Variants in ANKRD28 observed in about 807,000 individuals in gnomAD.
The protein encoded by ANKRD28 is serine/threonine-protein phosphatase 6 regulatory ankyrin repeat subunit A.
ANKRD28 carries 44 observed loss-of-function variants against 126.5 expected under a neutral mutation model. The ratio of observed to expected loss-of-function variants is 0.35; its 90% CI spans 0.27 to 0.45. ANKRD28 has a LOEUF of 0.45. ANKRD28 is among the 20% of genes least tolerant of loss of function. ANKRD28 has a pLI of 1.00. For missense variants in ANKRD28, 1,110 were observed against 1,316.6 expected (o/e 0.84, Z 2.43); for synonymous variants, 442 against 468.5 (o/e 0.94, Z 0.73).
Position 15,690,165 on chromosome 3 carries a change from A to T in ANKRD28, c.1817T>A (p.Leu606His). Reference sequence around the variant, plus strand: ...TCTTCCACTACTATTTCTGACATCAAGATCTAACAAAGACTGTACCAACAC... The same window carrying T: ...TCTTCCACTACTATTTCTGACATCATGATCTAACAAAGACTGTACCAACAC... ...LEVLVQSLLD[L>H]DVRNSSGRTP... is the part of the protein sequence containing the mutation. The change falls in exon 18 of 28, where the codon CTT (leucine) becomes CAT (histidine). Residue 606 changes from leucine to histidine, a missense_variant. Physicochemically the swap from Leu to His is moderately conservative, Grantham distance 99. Transcript: ENST00000683139. 1.2e-6 allele frequency: 2 copies of T among 1,609,210 alleles called. No homozygotes were observed. The highest frequency in any genetic ancestry group is 1.7e-6 in the Non-Finnish European group (2 of 1,177,526).
At position 15,816,025 on chromosome 3, in the gene ANKRD28, T is replaced by C. The variant is rs985320440; in HGVS notation, c.28-20719A>G. ...ACAGGTTTTCATAATTATGTTTTAA[T>C]CTTGTTATATTAATAGTCAAGCTCA... On this transcript the variant is annotated intron_variant, in intron 1 of 27. Transcript: ENST00000399451. The surrounding 1 kb of genome is among the most constrained non-coding windows in gnomAD (Gnocchi z 5.0). Among the ~76,000 whole-genome samples, 14 of 152,188 alleles carry C rather than the reference T, an allele frequency of 9.2e-5. No homozygotes were observed. The highest frequency in any genetic ancestry group is 3.4e-4 in the African/African-American group (14 of 41,436).
rs1054735308 is a variant in ANKRD28, at chr3:15,839,173, T to C, written c.27+20204A>G. On this transcript the variant is annotated intron_variant, in intron 1 of 27. Transcript: ENST00000399451. The surrounding 1 kb of genome is among the most constrained non-coding windows in gnomAD (Gnocchi z 4.3). Reference sequence around the variant, plus strand: ...GTGATGAAAATACTCTAAAACTGGTTTGTAATGATGAGTGCAAAATTCTTT... The same window carrying C: ...GTGATGAAAATACTCTAAAACTGGTCTGTAATGATGAGTGCAAAATTCTTT... Among the ~76,000 whole-genome samples the C allele has an allele frequency of 1.5e-4, 23 of 152,098 alleles. No homozygotes were observed. Among genetic ancestry groups the C allele is most frequent in the African/African-American group, 5.6e-4 (23 of 41,410 alleles).
chr3:15,706,892 A>T (rs6771949), intron 14 of ANKRD28, among the ~76,000 whole-genome samples: 109,703 of 152,002 alleles, frequency 0.72, 39,802 homozygotes, highest in East Asian at 0.93. Flanking sequence ...TGTCTTCTTT[A>T]GAGAAGTGTC....
chr3:15,751,385 A>T (rs1161226529), intron 4 of ANKRD28, among the ~76,000 whole-genome samples: 5 of 152,184 alleles, frequency 3.3e-5, no homozygotes, highest in Admixed American at 1.3e-4. Flanking sequence ...CATTTCAATT[A>T]ATTATTATAC....
upstream of ANKRD28, chr3:15,798,212 C>CGGCAGTT (rs1553639524): frequency 2.5e-5 from 24 of 971,988 alleles, no homozygotes; most frequent in Non-Finnish European, 2.9e-5. Flanking sequence ...CAATTCCAAA[C>CGGCAGTT]GGCTTAACTG....
chr3:15,793,136 C>T (rs769927043), intron 2 of ANKRD28, among the ~76,000 whole-genome samples: 1 of 152,078 alleles, frequency 6.6e-6, no homozygotes, highest in Admixed American at 6.6e-5. Context: ...TGGAAAAACA[C>T]GACTGTCACA....
intron 23 of ANKRD28, 107 bp from the exon 24 acceptor site, chr3:15,678,461 G>T: frequency 9.7e-7 from 1 of 1,035,654 alleles, no homozygotes; most frequent in Non-Finnish European, 1.3e-6. Flanking sequence ...TACATATTAG[G>T]CTACAAAAGC....
intron 4 of ANKRD28, among the ~76,000 whole-genome samples, chr3:15,743,580 A>ACACACACG (rs1553616157): frequency 0.01 from 1,512 of 150,562 alleles, 34 homozygotes; most frequent in African/African-American, 0.034. Context: ...ACACACACAC[A>ACACACACG]CACACACACA....
chr3:15,743,185 G>A (rs529506943), intron 4 of ANKRD28, among the ~76,000 whole-genome samples: 71 of 152,128 alleles, frequency 4.7e-4, no homozygotes, highest in Non-Finnish European at 8.8e-4. Flanking sequence ...CAGCATGCTC[G>A]TTAAGAGTCA....
intron 21 of ANKRD28, among the ~76,000 whole-genome samples, 161 bp from the exon 22 acceptor site, chr3:15,679,724 C>CAGT (rs1341926203): frequency 6.6e-6 from 1 of 152,068 alleles, no homozygotes; most frequent in Admixed American, 6.5e-5. Context: ...GTTAAGCCAC[C>CAGT]AGTAGTTCCT....
At chr3:15,677,643 G>T in intron 24 of ANKRD28, 81 bp from the exon 25 acceptor site, 1 of 1,056,562 alleles carries the variant, frequency 9.5e-7, no homozygotes, top group Non-Finnish European at 1.4e-6. Context: ...GAGAAATGAA[G>T]ATACAAAGCA....
chr3:15,749,151 C>T (rs1463728052), intron 4 of ANKRD28, among the ~76,000 whole-genome samples: 4 of 140,116 alleles, frequency 2.9e-5, no homozygotes, highest in African/African-American at 1.1e-4. Context: ...TCGCCCAGGC[C>T]GGACTGCGGA....
rs530648120 is a variant in ANKRD28 at position 15,854,255 on chromosome 3, A to G, written c.27+5122T>C. 1.3e-5 allele frequency among the ~76,000 whole-genome samples: 2 copies of G among 152,230 alleles called. No individual in the cohort carries two copies. The highest frequency in any genetic ancestry group is 2.9e-5 in the Non-Finnish European group (2 of 68,042). ...AAAGTACTTAATGTAGTCACTGTTA[A>G]CTAATTTATCTTCTCTTTTCCAACT... is the stretch of plus-strand genomic sequence containing the variant. On this transcript the variant is annotated intron_variant, in intron 1 of 27. Transcript: ENST00000399451. This position sits in a 1 kb window ranked among gnomAD's most constrained non-coding sequence, Gnocchi z 4.1.
chr3:15,773,948 G>A (rs2059139598), intron 2 of ANKRD28, among the ~76,000 whole-genome samples: 2 of 152,310 alleles, frequency 1.3e-5, no homozygotes, highest in South Asian at 4.1e-4. Context: ...GTAATCAAGG[G>A]AGGGTGGTAT....
chr3:15,745,523 T>C (rs2057417961), intron 4 of ANKRD28, among the ~76,000 whole-genome samples: 1 of 152,192 alleles, frequency 6.6e-6, no homozygotes, highest in Non-Finnish European at 1.5e-5. Flanking sequence ...TGGCTGTAAG[T>C]ATTTGGCCTT....
At chr3:15,779,187 A>G (rs1008133886) in intron 2 of ANKRD28, among the ~76,000 whole-genome samples, 2 of 152,192 alleles carry the variant, frequency 1.3e-5, no homozygotes. Flanking sequence ...TGCCTACCAT[A>G]AACTGCAGCC....
At chr3:15,706,632 A>G (rs1390918363) in intron 14 of ANKRD28, among the ~76,000 whole-genome samples, 3 of 152,078 alleles carry the variant, frequency 2.0e-5, no homozygotes, top group Admixed American at 6.6e-5. Flanking sequence ...GTCAAATGGT[A>G]TTTCTAGTTC....
chr3:15,713,481 T>C, intron 10 of ANKRD28, 46 bp downstream of exon 10: 1 of 1,472,344 alleles, frequency 6.8e-7, no homozygotes, highest in East Asian at 2.4e-5. Flanking sequence ...TTCACTTCCC[T>C]TTGTGCTTGC....
chr3:15,852,070 T>C (rs1185048549), intron 1 of ANKRD28, among the ~76,000 whole-genome samples: 2 of 151,900 alleles, frequency 1.3e-5, no homozygotes, highest in Non-Finnish European at 2.9e-5. Flanking sequence ...GGTTCGGGGG[T>C]TGATAGTTTA....
Sources: allele counts gnomAD v4.1 joint callset (sites outside exome capture counted in the v4.1 genomes callset), GRCh38; gene constraint gnomAD v4.1.1; non-coding constraint Gnocchi (gnomAD v3.1); transcripts MANE v1.5; gene names NCBI Gene and HGNC (gene_info 2026-07-23, HGNC 2026-07-21).